ANKS1B: variants seen among roughly 807,000 people sequenced by gnomAD.
ANKS1B encodes ankyrin repeat and sterile alpha motif domain-containing protein 1B.
In ANKS1B, 36 loss-of-function variants were observed where a neutral mutation model predicts 148.3. The ratio of observed to expected loss-of-function variants is 0.24; its 90% CI spans 0.19 to 0.32. ANKS1B has a LOEUF of 0.32. Ranked by LOEUF, ANKS1B falls within the 10% of genes least tolerant of loss-of-function variation. The pLI is 1.00. For missense variants in ANKS1B, 1,157 were observed against 1,542.6 expected, an observed-to-expected ratio of 0.75 and a Z score of 4.19; for synonymous variants, 542 against 560.8, an observed-to-expected ratio of 0.97 and a Z score of 0.47.
chr12:98,993,037 A>G (rs1048503516), intron 17 of ANKS1B, among the ~76,000 whole-genome samples: 1 of 152,240 alleles, frequency 6.6e-6, no homozygotes, highest in African/African-American at 2.4e-5. Flanking sequence ...ATATAAGAGA[A>G]TATTTTTAAA....
intron 15 of ANKS1B, among the ~76,000 whole-genome samples, chr12:99,130,307 A>C (rs1371277751): frequency 6.6e-6 from 1 of 152,190 alleles, no homozygotes; most frequent in Non-Finnish European, 1.5e-5. Context: ...TGGGAGAGTA[A>C]AATTTAATTG....
intron 15 of ANKS1B, among the ~76,000 whole-genome samples, chr12:99,154,066 T>C (rs2075621303): frequency 6.6e-6 from 1 of 152,178 alleles, no homozygotes; most frequent in African/African-American, 2.4e-5. Context: ...ACCAGTTCAT[T>C]CATATAACAC....
At chr12:99,982,738 C>G (rs777938094) in intron 1 of ANKS1B, among the ~76,000 whole-genome samples, 7 of 152,184 alleles carry the variant, frequency 4.6e-5, no homozygotes, top group Non-Finnish European at 8.8e-5. Flanking sequence ...CACAAGTCAT[C>G]TCTATGACCT....
chr12:99,666,862 GTGTGT>G (rs2098510284), intron 8 of ANKS1B, among the ~76,000 whole-genome samples: 1 of 129,632 alleles, frequency 7.7e-6, no homozygotes, highest in South Asian at 2.5e-4. Flanking sequence ...TATGGGGTGT[GTGTGT>G]GTGTGTGTGT....
At chr12:99,861,761 A>G (rs187585145) in intron 1 of ANKS1B, among the ~76,000 whole-genome samples, 2 of 152,228 alleles carry the variant, frequency 1.3e-5, no homozygotes, top group Admixed American at 1.3e-4. Flanking sequence ...AAAGAAGTTC[A>G]TATACTTCTT....
intron 1 of ANKS1B, among the ~76,000 whole-genome samples, chr12:99,916,523 T>C (rs1354136371): frequency 6.6e-6 from 1 of 152,150 alleles, no homozygotes; most frequent in Non-Finnish European, 1.5e-5. Context: ...ATAATTGAGA[T>C]GGATATACTT....
intron 17 of ANKS1B, among the ~76,000 whole-genome samples, chr12:98,941,455 T>C (rs2099836491): frequency 6.6e-6 from 1 of 152,218 alleles, no homozygotes; most frequent in South Asian, 2.1e-4. Context: ...AGGCATCACC[T>C]TGTTTGACTT....
chr12:99,255,140 T>C (rs970079114), intron 12 of ANKS1B, among the ~76,000 whole-genome samples: 16 of 152,174 alleles, frequency 1.1e-4, no homozygotes, highest in African/African-American at 3.9e-4. Context: ...ATATTCTTTG[T>C]GGAAAGATTT....
intron 15 of ANKS1B, among the ~76,000 whole-genome samples, chr12:99,110,853 AT>A (rs2060152332): frequency 6.6e-6 from 1 of 152,166 alleles, no homozygotes; most frequent in Admixed American, 6.5e-5. Context: ...TAAAATTGCC[AT>A]TGCTTCACTG....
intron 8 of ANKS1B, among the ~76,000 whole-genome samples, chr12:99,680,108 G>C (rs1313554790): frequency 6.6e-6 from 1 of 152,126 alleles, no homozygotes; most frequent in Non-Finnish European, 1.5e-5. Context: ...AACTTATCTA[G>C]AGCTGAAACA....
chr12:98,907,900 T>C (rs1001423661), intron 17 of ANKS1B, among the ~76,000 whole-genome samples: 58 of 152,356 alleles, frequency 3.8e-4, no homozygotes, highest in African/African-American at 1.4e-3. Context: ...CCATGTAAGA[T>C]GTGCCTTTGC....
At chr12:99,799,411 G>T (rs114302987) in intron 4 of ANKS1B, among the ~76,000 whole-genome samples, 1 of 151,992 alleles carries the variant, frequency 6.6e-6, no homozygotes, top group African/African-American at 2.4e-5. Flanking sequence ...TGACCCTTCC[G>T]TCTCAATCAC....
chr12:99,102,316 AAT>A (rs1209749654), intron 15 of ANKS1B, among the ~76,000 whole-genome samples: 1 of 152,200 alleles, frequency 6.6e-6, no homozygotes, highest in Non-Finnish European at 1.5e-5. Flanking sequence ...GGAGACAATG[AAT>A]GTAGACGATT....
At chr12:98,859,389 T>A (rs1343165302) in intron 17 of ANKS1B, among the ~76,000 whole-genome samples, 1 of 152,194 alleles carries the variant, frequency 6.6e-6, no homozygotes, top group East Asian at 1.9e-4. Context: ...TGGGCATTAA[T>A]CAACCATTTA....
intron 14 of ANKS1B, among the ~76,000 whole-genome samples, chr12:99,242,243 C>T (rs1476084971): frequency 1.3e-5 from 2 of 152,150 alleles, no homozygotes; most frequent in African/African-American, 4.8e-5. Context: ...TTCCTATACA[C>T]CAATAATAGA....
At chr12:99,718,884 T>C (rs2057753433) in intron 8 of ANKS1B, among the ~76,000 whole-genome samples, 3 of 152,328 alleles carry the variant, frequency 2.0e-5, no homozygotes, top group South Asian at 4.1e-4. Flanking sequence ...ACAGCCCCCA[T>C]TACTTCAGTC....
intron 10 of ANKS1B, among the ~76,000 whole-genome samples, chr12:99,476,168 G>A (rs752882655): frequency 1.2e-4 from 18 of 152,254 alleles, no homozygotes; most frequent in South Asian, 8.3e-4. Context: ...TGAGGCAAGC[G>A]GATTACTTGA....
chr12:99,179,204 G>A (rs185617588), intron 14 of ANKS1B, among the ~76,000 whole-genome samples: 22 of 152,084 alleles, frequency 1.4e-4, no homozygotes, highest in Admixed American at 1.0e-3. Flanking sequence ...TGAGGTGGGC[G>A]GATCACGAGG....
intron 9 of ANKS1B, among the ~76,000 whole-genome samples, chr12:99,636,086 A>G (rs980751950): frequency 6.6e-6 from 1 of 152,146 alleles, no homozygotes; most frequent in Non-Finnish European, 1.5e-5. Context: ...AATACCAAGA[A>G]ACAGGCTGGA....
Sources: allele counts gnomAD v4.1 joint callset (sites outside exome capture counted in the v4.1 genomes callset), GRCh38; gene constraint gnomAD v4.1.1; transcripts MANE v1.5; gene names NCBI Gene and HGNC (gene_info 2026-07-23, HGNC 2026-07-21).